The following SRPK2 variants were observed in gnomAD, a reference collection of about 807,000 sequenced individuals.
SRPK2 encodes SRSF protein kinase 2.
In SRPK2, 21 loss-of-function variants were observed where a neutral mutation model predicts 90.8. The observed-to-expected ratio is 0.23, with a 90% CI of 0.16 to 0.33. The LOEUF (loss-of-function observed/expected upper bound fraction) is 0.33. Among genes scored for constraint, SRPK2 ranks in the 10% least tolerant of loss-of-function variants. The probability of loss-of-function intolerance (pLI) is 1.00; values close to 1 mark genes in which losing one functional copy is unlikely to be tolerated. For synonymous variants in SRPK2, 288 were observed against 311.1 expected, an observed-to-expected ratio of 0.93 and a Z score of 0.78; for missense variants, 620 against 869.0, an observed-to-expected ratio of 0.71 and a Z score of 3.60.
intron 1 of SRPK2, among the ~76,000 whole-genome samples, chr7:105,395,236 C>G (rs1200447026): frequency 2.0e-5 from 3 of 152,120 alleles, no homozygotes; most frequent in Admixed American, 6.6e-5. Context: ...ACACCTGTAA[C>G]TCTAGCACTT....
intron 2 of SRPK2, among the ~76,000 whole-genome samples, chr7:105,351,470 T>C (rs1817166524): frequency 1.3e-5 from 2 of 150,908 alleles, no homozygotes; most frequent in African/African-American, 2.4e-5. Flanking sequence ...CCACCCTAGG[T>C]GACAGAGTTA....
At chr7:105,281,276 T>C (rs1807298463) in intron 2 of SRPK2, among the ~76,000 whole-genome samples, 1 of 151,918 alleles carries the variant, frequency 6.6e-6, no homozygotes, top group African/African-American at 2.4e-5. Context: ...TTTGTATTTT[T>C]AGTAGAGATG....
At chr7:105,219,354 G>A (rs1301239109) in intron 2 of SRPK2, among the ~76,000 whole-genome samples, 5 of 152,112 alleles carry the variant, frequency 3.3e-5, no homozygotes, top group East Asian at 1.9e-4. Context: ...TCATGTCTAC[G>A]CCCTGGACAG....
intron 2 of SRPK2, among the ~76,000 whole-genome samples, chr7:105,213,209 G>A (rs1797065494): frequency 6.6e-6 from 1 of 152,176 alleles, no homozygotes; most frequent in Non-Finnish European, 1.5e-5. Context: ...AGAGAATAGA[G>A]CAGGTGGATG....
At chr7:105,191,158 T>C (rs1457757326) in intron 3 of SRPK2, among the ~76,000 whole-genome samples, 1 of 152,210 alleles carries the variant, frequency 6.6e-6, no homozygotes, top group Non-Finnish European at 1.5e-5. Flanking sequence ...TACTGTTCAC[T>C]TGTTAGAGGT....
At chr7:105,213,574 A>G (rs546828692) in intron 2 of SRPK2, among the ~76,000 whole-genome samples, 6 of 152,310 alleles carry the variant, frequency 3.9e-5, no homozygotes, top group South Asian at 4.1e-4. Context: ...AATTGCCAAT[A>G]TAAGTTTTAA....
chr7:105,316,644 G>A (rs1433574925), intron 2 of SRPK2, among the ~76,000 whole-genome samples: 1 of 152,136 alleles, frequency 6.6e-6, no homozygotes, highest in East Asian at 1.9e-4. Context: ...GTTCTAATTA[G>A]AAAAGGTTAA....
intron 2 of SRPK2, among the ~76,000 whole-genome samples, chr7:105,300,276 A>T (rs1315520323): frequency 7.9e-6 from 1 of 125,918 alleles, no homozygotes; most frequent in Non-Finnish European, 1.7e-5. Flanking sequence ...AAAAAAAAAA[A>T]AAGTATATAT....
At chr7:105,146,854 T>A (rs1804695996) in intron 7 of SRPK2, among the ~76,000 whole-genome samples, 196 bp from the exon 8 acceptor site, 1 of 152,168 alleles carries the variant, frequency 6.6e-6, no homozygotes, top group Non-Finnish European at 1.5e-5. Flanking sequence ...CCAGTGTGTA[T>A]AATTTCAGAG....
At chr7:105,281,615 G>A (rs956869504) in intron 2 of SRPK2, among the ~76,000 whole-genome samples, 1 of 150,986 alleles carries the variant, frequency 6.6e-6, no homozygotes, top group African/African-American at 2.4e-5. Flanking sequence ...TCACACCTGT[G>A]GATAGTCACT....
intron 2 of SRPK2, among the ~76,000 whole-genome samples, chr7:105,319,504 C>CGGGGGGGGGG (rs796955446): frequency 1.9e-4 from 1 of 5,306 alleles, no homozygotes; most frequent in Non-Finnish European, 9.3e-4. Flanking sequence ...GCACTTGCGG[C>CGGGGGGGGGG]GGGGGGGGGG....
At chr7:105,173,732 G>C (rs1791448433) in intron 3 of SRPK2, among the ~76,000 whole-genome samples, 2 of 152,274 alleles carry the variant, frequency 1.3e-5, no homozygotes, top group Middle Eastern at 3.4e-3. Context: ...CTTCACCAGA[G>C]AACAGAAAAG....
chr7:105,346,439 A>G (rs761125930), intron 2 of SRPK2, among the ~76,000 whole-genome samples: 8 of 152,014 alleles, frequency 5.3e-5, no homozygotes, highest in Non-Finnish European at 1.2e-4. Flanking sequence ...AGGTCAATAA[A>G]CTGTAAGTCT....
chr7:105,384,881 CTT>C (rs139772496), intron 2 of SRPK2, among the ~76,000 whole-genome samples: 3 of 145,320 alleles, frequency 2.1e-5, no homozygotes, highest in Non-Finnish European at 4.5e-5. Context: ...ACATAGCAAC[CTT>C]TTTTTTTTTT....
At chr7:105,127,096 A>C in intron 13 of SRPK2, 34 bp from the exon 14 acceptor site, 1 of 1,608,386 alleles carries the variant, frequency 6.2e-7, no homozygotes, top group Non-Finnish European at 8.5e-7. Context: ...TAAGCACTTC[A>C]GAGACTGGCC....
chr7:105,374,615 AT>A, intron 2 of SRPK2, among the ~76,000 whole-genome samples: 1 of 152,196 alleles, frequency 6.6e-6, no homozygotes, highest in South Asian at 2.1e-4. Context: ...ATATACATAT[AT>A]TTTTTTGAGT....
intron 3 of SRPK2, among the ~76,000 whole-genome samples, chr7:105,193,742 C>A (rs936360623): frequency 6.6e-6 from 1 of 151,978 alleles, no homozygotes; most frequent in Non-Finnish European, 1.5e-5. Context: ...TCTGTATTTA[C>A]AAAGAAATAT....
At chr7:105,233,091 A>AGAAG (rs60327841) in intron 2 of SRPK2, among the ~76,000 whole-genome samples, 13,806 of 91,538 alleles carry the variant, frequency 0.15, 1,272 homozygotes, top group Non-Finnish European at 0.18. Flanking sequence ...AAGGAAGGAA[A>AGAAG]GAAGGAAGGA....
chr7:105,279,079 C>G (rs1806914586), intron 2 of SRPK2, among the ~76,000 whole-genome samples: 1 of 152,098 alleles, frequency 6.6e-6, no homozygotes, highest in South Asian at 2.1e-4. Context: ...TTAAACGTAG[C>G]CTTTGCCAGT....
Sources: allele counts gnomAD v4.1 joint callset (sites outside exome capture counted in the v4.1 genomes callset), GRCh38; gene constraint gnomAD v4.1.1; transcripts MANE v1.5; gene names NCBI Gene and HGNC (gene_info 2026-07-23, HGNC 2026-07-21).